RBFOX1: variants seen among roughly 807,000 people sequenced by gnomAD.
RBFOX1 encodes the protein RNA binding fox-1 homolog 1.
Under a neutral mutation model 57.7 loss-of-function variants are expected in RBFOX1, and 8 were observed. The ratio of observed to expected loss-of-function variants is 0.14; its 90% CI spans 0.08 to 0.25. The LOEUF is 0.25. RBFOX1 is among the 10% of genes least tolerant of loss of function. RBFOX1 has a pLI of 1.00. For synonymous variants in RBFOX1, 326 were observed against 222.4 expected (o/e 1.47, Z -4.15); for missense variants, 611 against 548.5 (o/e 1.11, Z -1.14).
chr16:6,123,369 T>C (rs1597512647), intron 1 of RBFOX1, among the ~76,000 whole-genome samples: 3 of 152,346 alleles, frequency 2.0e-5, no homozygotes, highest in East Asian at 3.9e-4. Context: ...GGATGAACCT[T>C]GCAAACATTA....
intron 3 of RBFOX1, among the ~76,000 whole-genome samples, chr16:5,812,950 T>G (rs2151783597): frequency 6.6e-6 from 1 of 152,312 alleles, no homozygotes. Flanking sequence ...GGTTGTTGAT[T>G]TTCTTATTGT....
At chr16:6,461,905 C>T (rs2094929452) in intron 2 of RBFOX1, among the ~76,000 whole-genome samples, 2 of 152,138 alleles carry the variant, frequency 1.3e-5, no homozygotes, top group Non-Finnish European at 2.9e-5. Context: ...CTTTGTTAAA[C>T]AGCCTGTATT....
chr16:7,412,330 A>G (rs2149122972), intron 4 of RBFOX1, among the ~76,000 whole-genome samples: 1 of 150,628 alleles, frequency 6.6e-6, no homozygotes, highest in East Asian at 2.0e-4. Context: ...CAGGAGAATC[A>G]CTTGAACCTA....
intron 4 of RBFOX1, among the ~76,000 whole-genome samples, chr16:7,194,221 G>C (rs1021122825): frequency 2.0e-5 from 3 of 152,192 alleles, no homozygotes; most frequent in Non-Finnish European, 2.9e-5. Flanking sequence ...CTCCGGCTCA[G>C]TGTCTACAGG....
chr16:5,435,234 C>A (rs1239345846), intron 1 of RBFOX1, among the ~76,000 whole-genome samples: 1 of 152,164 alleles, frequency 6.6e-6, no homozygotes, highest in African/African-American at 2.4e-5. Flanking sequence ...CCATATGCGT[C>A]TATGAAGAAA....
At chr16:5,512,323 A>T (rs1425785922) in intron 2 of RBFOX1, among the ~76,000 whole-genome samples, 1 of 152,048 alleles carries the variant, frequency 6.6e-6, no homozygotes, top group East Asian at 1.9e-4. Context: ...TTCTCCATAG[A>T]TTTACTGCCC....
rs1225538161 is a variant in RBFOX1, at chr16:7,029,046, C to CTATATATATA, written c.-15-22984_-15-22975dup. ...TAAGCATAAAACAGAAAAAAAAAAG[C>CTATATATATA]TATATATATATATATATATATATAT... On this transcript the variant is annotated intron_variant, in intron 3 of 15. Coordinates refer to ENST00000550418, the MANE Select transcript of RBFOX1 (RefSeq NM_018723.4). Among the ~76,000 whole-genome samples the CTATATATATA allele has an allele frequency of 2.8e-3, 127 of 45,118 alleles. 2 individuals are homozygous for CTATATATATA. The highest frequency in any genetic ancestry group is 3.7e-3 in the Non-Finnish European group (100 of 26,762). 29.6% of individuals were successfully genotyped at this position (45,118 alleles called of 152,430 possible).
chr16:6,769,646 T>C (rs149699245), intron 3 of RBFOX1, among the ~76,000 whole-genome samples: 2 of 152,228 alleles, frequency 1.3e-5, no homozygotes, highest in African/African-American at 4.8e-5. Flanking sequence ...GGCTCTAATG[T>C]ATAATACGAG....
intron 2 of RBFOX1, among the ~76,000 whole-genome samples, chr16:5,568,164 C>G (rs117522473): frequency 3.4e-3 from 514 of 152,320 alleles, no homozygotes; most frequent in Non-Finnish European, 6.1e-3. Flanking sequence ...ATGTCTCCAG[C>G]CTTCCCCTGT....
chr16:6,751,384 G>C (rs1476928805), intron 3 of RBFOX1, among the ~76,000 whole-genome samples: 1 of 152,246 alleles, frequency 6.6e-6, no homozygotes, highest in Admixed American at 6.5e-5. Context: ...AGTAGATAAA[G>C]AGGAACTAGC....
At chr16:7,147,345 G>C (rs903789905) in intron 4 of RBFOX1, among the ~76,000 whole-genome samples, 3 of 148,900 alleles carry the variant, frequency 2.0e-5, no homozygotes, top group Admixed American at 6.8e-5. Flanking sequence ...TTAGGTTTGA[G>C]TGGACATCTG....
chr16:6,736,955 G>T (rs184187388), intron 3 of RBFOX1, among the ~76,000 whole-genome samples: 1 of 152,288 alleles, frequency 6.6e-6, no homozygotes, highest in East Asian at 1.9e-4. Flanking sequence ...TTAGCATCGG[G>T]AAGCGACAGC....
At chr16:7,186,881 G>A (rs1008532448) in intron 4 of RBFOX1, among the ~76,000 whole-genome samples, 1 of 150,738 alleles carries the variant, frequency 6.6e-6, no homozygotes, top group African/African-American at 2.4e-5. Context: ...CTCTAGGCCA[G>A]GCACAGTGGC....
At chr16:6,862,510 C>T (rs1372929091) in intron 3 of RBFOX1, among the ~76,000 whole-genome samples, 2 of 152,156 alleles carry the variant, frequency 1.3e-5, no homozygotes, top group Non-Finnish European at 2.9e-5. Flanking sequence ...CTGCCTTGCC[C>T]AGGCAACCAG....
intron 4 of RBFOX1, among the ~76,000 whole-genome samples, chr16:7,320,362 G>T (rs989424858): frequency 1.3e-5 from 2 of 152,090 alleles, no homozygotes; most frequent in African/African-American, 4.8e-5. Context: ...GTTTACTCAG[G>T]TTAATGGCTT....
intron 4 of RBFOX1, among the ~76,000 whole-genome samples, chr16:7,275,453 A>G (rs1426085568): frequency 6.6e-6 from 1 of 152,214 alleles, no homozygotes; most frequent in Non-Finnish European, 1.5e-5. Context: ...AACATAAGTA[A>G]GTAGGGTGTG....
intron 1 of RBFOX1, among the ~76,000 whole-genome samples, chr16:5,426,881 C>G (rs1477247917): frequency 6.6e-6 from 1 of 152,192 alleles, no homozygotes; most frequent in Non-Finnish European, 1.5e-5. Context: ...CTGCAACCAT[C>G]CCTGCTTTAC....
At chr16:6,160,747 G>A (rs1003685825) in intron 1 of RBFOX1, among the ~76,000 whole-genome samples, 2 of 152,136 alleles carry the variant, frequency 1.3e-5, no homozygotes, top group African/African-American at 2.4e-5. Flanking sequence ...AACTGCAGTC[G>A]TTCCTCTAGG....
chr16:6,730,988 A>C (rs1442409880), intron 3 of RBFOX1, among the ~76,000 whole-genome samples: 1 of 152,198 alleles, frequency 6.6e-6, no homozygotes, highest in Non-Finnish European at 1.5e-5. Context: ...TGCTTTTGTT[A>C]GTATCATTGA....
Sources: allele counts gnomAD v4.1 joint callset (sites outside exome capture counted in the v4.1 genomes callset), GRCh38; gene constraint gnomAD v4.1.1; transcripts MANE v1.5; gene names NCBI Gene and HGNC (gene_info 2026-07-23, HGNC 2026-07-21).